Variants in PCNX2 observed in about 807,000 individuals in gnomAD.
PCNX2 encodes the protein pecanex-like protein 2.
A neutral mutation model predicts 223.8 loss-of-function variants in PCNX2; 168 were observed. That is an observed-to-expected ratio of 0.75 (90% CI 0.66 to 0.85). The LOEUF (loss-of-function observed/expected upper bound fraction) is 0.85, where lower values mean the gene tolerates loss of function less well. Ranked by LOEUF, PCNX2 falls within the 40% of genes least tolerant of loss-of-function variation. The pLI is 0.00. For synonymous variants in PCNX2, 1,006 were observed against 1,052.6 expected (o/e 0.96, Z 0.86); for missense variants, 2,507 against 2,675.5 (o/e 0.94, Z 1.39).
intron 12 of PCNX2, among the ~76,000 whole-genome samples, chr1:233,216,599 C>T (rs1656932547): frequency 6.6e-6 from 1 of 151,884 alleles, no homozygotes; most frequent in South Asian, 2.1e-4. Context: ...CTAGGGGGTA[C>T]AGAAATCGGT....
At chr1:233,029,139 A>G (rs1671182627) in intron 25 of PCNX2, among the ~76,000 whole-genome samples, 1 of 152,078 alleles carries the variant, frequency 6.6e-6, no homozygotes, top group South Asian at 2.1e-4. Flanking sequence ...TGCCTGGCCC[A>G]GTCATTATTT....
chr1:233,172,661 G>T, intron 17 of PCNX2: 2 of 563,218 alleles, frequency 3.6e-6, no homozygotes, highest in Non-Finnish European at 4.5e-6. Flanking sequence ...AGGTCCCCAG[G>T]TTGGGCAAAT....
intron 9 of PCNX2, among the ~76,000 whole-genome samples, chr1:233,235,957 A>AATATATATATATATAT (rs1553319644): frequency 2.9e-4 from 27 of 93,076 alleles, no homozygotes; most frequent in African/African-American, 4.7e-4. Flanking sequence ...CATAAAAAAA[A>AATATATATATATATAT]ATATATATAT....
intron 32 of PCNX2, among the ~76,000 whole-genome samples, chr1:232,994,087 G>A (rs1296994218): frequency 2.6e-5 from 4 of 152,242 alleles, no homozygotes; most frequent in African/African-American, 9.6e-5. Flanking sequence ...GAGTCCCACT[G>A]GGGTACTGCC....
At position 233,128,855 on chromosome 1, in the gene PCNX2, G is replaced by A. The variant is rs1381304240; in HGVS notation, c.3837+6158C>T. On this transcript the variant is annotated intron_variant, in intron 21 of 33. Transcript: ENST00000258229. ...GCAAGATAAAGAGAGGGAAGGGATC[G>A]AGGAAATGAAGGAGCGAGGAAGAAG... Among the ~76,000 whole-genome samples, 3 of 152,224 alleles carry A rather than the reference G, an allele frequency of 2.0e-5. No individual in the cohort carries two copies. In the South Asian group the frequency reaches 6.2e-4, roughly 31 times the overall value.
chr1:233,023,497 G>C (rs576704223), intron 26 of PCNX2, among the ~76,000 whole-genome samples: 13 of 152,192 alleles, frequency 8.5e-5, no homozygotes, highest in African/African-American at 3.1e-4. Flanking sequence ...TTAAATTGTG[G>C]AACTCAAATT....
chr1:233,007,704 AT>A (rs1275605135), intron 28 of PCNX2, among the ~76,000 whole-genome samples: 3 of 143,900 alleles, frequency 2.1e-5, no homozygotes, highest in Non-Finnish European at 3.0e-5. Flanking sequence ...TGCCCGGCTA[AT>A]TTTTTTGTAT....
intron 17 of PCNX2, among the ~76,000 whole-genome samples, chr1:233,165,921 A>G (rs114989367): frequency 0.013 from 1,954 of 152,294 alleles, 25 homozygotes; most frequent in South Asian, 0.036. Flanking sequence ...ACGACTTTGA[A>G]AAATAAAAAG....
chr1:233,094,067 T>C (rs1232235233), intron 22 of PCNX2, among the ~76,000 whole-genome samples: 1 of 152,146 alleles, frequency 6.6e-6, no homozygotes, highest in Non-Finnish European at 1.5e-5. Context: ...CTTAATTCAG[T>C]CGTGGAACTC....
intron 13 of PCNX2, among the ~76,000 whole-genome samples, chr1:233,206,904 G>A (rs1681501562): frequency 6.6e-6 from 1 of 152,040 alleles, no homozygotes; most frequent in African/African-American, 2.4e-5. Flanking sequence ...CCAGCTACTT[G>A]GGAGGCTGAG....
chr1:233,131,760 C>G (rs2102759825), intron 21 of PCNX2, among the ~76,000 whole-genome samples: 1 of 152,152 alleles, frequency 6.6e-6, no homozygotes, highest in East Asian at 1.9e-4. Context: ...AGCCATTATC[C>G]CAGCCTAAGA....
In PCNX2 at chr1:233,107,917, T is replaced by G. The variant is rs1413343044; in HGVS notation, c.3838-12054A>C. 2.0e-4 allele frequency among the ~76,000 whole-genome samples: 30 copies of G among 152,068 alleles called. 1 individual carries two copies. The highest frequency in any genetic ancestry group is 1.9e-3 in the Admixed American group (29 of 15,254). ...ATAAAGACCTTGCTGATAAAACAGG[T>G]TGAGGTAAAGAAGCTGGCCAAAACC... is the stretch of plus-strand genomic sequence containing the variant. On this transcript the variant is annotated intron_variant, in intron 21 of 33. Transcript: ENST00000258229.
At chr1:233,031,821 CTT>C (rs1349279075) in intron 25 of PCNX2, 4 of 976,062 alleles carry the variant, frequency 4.1e-6, no homozygotes, top group Non-Finnish European at 4.8e-6. Context: ...TCAAGGGTCT[CTT>C]AACTCATTCT....
chr1:233,291,373 G>T (rs1255593106), intron 1 of PCNX2, among the ~76,000 whole-genome samples: 4 of 152,134 alleles, frequency 2.6e-5, no homozygotes, highest in Non-Finnish European at 5.9e-5. Context: ...ACTTTGAGAG[G>T]CCAAGGCGGG....
chr1:233,317,415 A>AAAACAAAC, the PCNX2 span, among the ~76,000 whole-genome samples: 1,513 of 150,788 alleles, frequency 0.01, 13 homozygotes, highest in African/African-American at 0.031. Context: ...CTCTGTCTCA[A>AAAACAAAC]AAACAAACAA....
At chr1:233,140,207 TC>T (rs1677027748) in intron 19 of PCNX2, among the ~76,000 whole-genome samples, 1 of 149,624 alleles carries the variant, frequency 6.7e-6, no homozygotes, top group African/African-American at 2.5e-5. Flanking sequence ...TTGGAAAAAA[TC>T]CCTTATGTCT....
chr1:232,999,420 T>G, intron 30 of PCNX2, 41 bp from the exon 31 acceptor site: 2 of 1,529,728 alleles, frequency 1.3e-6, no homozygotes, highest in Non-Finnish European at 1.8e-6. Flanking sequence ...GCAGAAGGCC[T>G]GTGTTTTCCA....
At chr1:233,249,385 G>A (rs1168198889) in intron 8 of PCNX2, among the ~76,000 whole-genome samples, 7 of 152,188 alleles carry the variant, frequency 4.6e-5, no homozygotes, top group East Asian at 3.8e-4. Flanking sequence ...TCAAAGCTGC[G>A]TTCTCATGCA....
At chr1:233,051,217 A>C (rs192123150) in intron 25 of PCNX2, among the ~76,000 whole-genome samples, 1 of 152,356 alleles carries the variant, frequency 6.6e-6, no homozygotes, top group Non-Finnish European at 1.5e-5. Context: ...GCTGCAGAGA[A>C]AAGGGAACAT....
Sources: allele counts gnomAD v4.1 joint callset (sites outside exome capture counted in the v4.1 genomes callset), GRCh38; gene constraint gnomAD v4.1.1; transcripts MANE v1.5; gene names NCBI Gene and HGNC (gene_info 2026-07-23, HGNC 2026-07-21).